Variants in RAB3GAP1 observed in about 807,000 individuals in gnomAD.
RAB3GAP1 encodes the protein RAB3 GTPase activating protein catalytic subunit 1.
In RAB3GAP1, 86 loss-of-function variants were observed where a neutral mutation model predicts 130.7. The observed-to-expected ratio is 0.66, with a 90% CI of 0.55 to 0.79. RAB3GAP1 has a LOEUF of 0.79. Ranked by LOEUF, RAB3GAP1 falls within the 30% of genes least tolerant of loss-of-function variation. RAB3GAP1 has a pLI of 0.00. For synonymous variants in RAB3GAP1, 367 were observed against 401.7 expected, an observed-to-expected ratio of 0.91 and a Z score of 1.03; for missense variants, 1,029 against 1,169.4, an observed-to-expected ratio of 0.88 and a Z score of 1.75.
chr2:135,137,157 T>C, intron 17 of RAB3GAP1: 1 of 376,568 alleles, frequency 2.7e-6, no homozygotes, highest in South Asian at 2.1e-5. Context: ...ATGAAGGAAA[T>C]CCTCAGCAGT....
chr2:135,133,091 C>A, intron 14 of RAB3GAP1, 107 bp downstream of exon 14: 1 of 760,126 alleles, frequency 1.3e-6, no homozygotes, highest in Non-Finnish European at 2.2e-6. Flanking sequence ...TTTTAAAAAT[C>A]ACCTTGGGAA....
In RAB3GAP1 at chr2:135,102,902, C is replaced by T. The variant is rs566307657; in HGVS notation, c.362+9209C>T. 2.2e-4 allele frequency among the ~76,000 whole-genome samples: 33 copies of T among 149,058 alleles called. No homozygotes were observed. In the South Asian group the frequency reaches 5.9e-3, roughly 27 times the overall value. Reference sequence around the variant, plus strand: ...TGGTGGCGCACACCTGTAGTCCCAGCTACTTGGGAGGTTGAGGCAGGAGAA... The same window carrying T: ...TGGTGGCGCACACCTGTAGTCCCAGTTACTTGGGAGGTTGAGGCAGGAGAA... On this transcript the variant is annotated intron_variant, in intron 5 of 23. Transcript: ENST00000264158.
rs192202378 is a variant in RAB3GAP1, at chr2:135,082,722, C to T, written c.151-8276C>T. On this transcript the variant is annotated intron_variant, in intron 3 of 23. Coordinates refer to ENST00000264158, the MANE Select transcript of RAB3GAP1 (RefSeq NM_012233.3). The stretch of plus-strand genomic sequence containing the variant: ...TCCCAAAGTGCTGGAATTACAGGCG[C>T]GAGCCACCGTGACCGGCCAATATGT... Among the ~76,000 whole-genome samples the T allele has an allele frequency of 1.4e-3, 216 of 151,980 alleles. 1 individual carries two copies. Among genetic ancestry groups the T allele is most frequent in the South Asian group, 0.012 (56 of 4,800 alleles).
intron 2 of RAB3GAP1, among the ~76,000 whole-genome samples, chr2:135,055,373 A>G (rs933391145): frequency 6.6e-6 from 1 of 152,240 alleles, no homozygotes; most frequent in Non-Finnish European, 1.5e-5. Context: ...TTATTCATAC[A>G]ATAAGTATTT....
At chr2:135,154,308 C>A (rs1029679552) in intron 19 of RAB3GAP1, among the ~76,000 whole-genome samples, 1 of 152,100 alleles carries the variant, frequency 6.6e-6, no homozygotes, top group South Asian at 2.1e-4. Context: ...TATGGTATAT[C>A]CATTAGTGGC....
intron 17 of RAB3GAP1, among the ~76,000 whole-genome samples, chr2:135,148,249 T>G (rs1692058662): frequency 6.6e-6 from 1 of 152,166 alleles, no homozygotes; most frequent in Non-Finnish European, 1.5e-5. Flanking sequence ...CCAATGTAAT[T>G]TCAAGCTTTA....
intron 3 of RAB3GAP1, among the ~76,000 whole-genome samples, chr2:135,073,300 AC>A (rs893748074): frequency 6.6e-6 from 1 of 152,200 alleles, no homozygotes; most frequent in Non-Finnish European, 1.5e-5. Context: ...GGAGATTAGT[AC>A]AGAGTAGGCA....
chr2:135,090,522 AAT>A (rs1371900030), intron 3 of RAB3GAP1, among the ~76,000 whole-genome samples: 6 of 152,198 alleles, frequency 3.9e-5, no homozygotes, highest in East Asian at 1.9e-4. Flanking sequence ...ACTCTTAATT[AAT>A]ATATGTTTTT....
chr2:135,140,207 C>G (rs1419930370), intron 17 of RAB3GAP1, among the ~76,000 whole-genome samples: 1 of 152,122 alleles, frequency 6.6e-6, no homozygotes, highest in African/African-American at 2.4e-5. Flanking sequence ...TGTGAACATT[C>G]TTGTTTCTTT....
chr2:135,133,207 C>T (rs1334176330), intron 14 of RAB3GAP1, among the ~76,000 whole-genome samples: 1 of 152,118 alleles, frequency 6.6e-6, no homozygotes, highest in African/African-American at 2.4e-5. Flanking sequence ...CAAATATACT[C>T]TACACAGCTG....
downstream of RAB3GAP1, among the ~76,000 whole-genome samples, chr2:135,174,857 T>TCTGTGG (rs1232726085): frequency 3.9e-5 from 6 of 152,196 alleles, no homozygotes; most frequent in East Asian, 1.9e-4. Context: ...CCCAGCCTCC[T>TCTGTGG]CTGTGGCTGT....
downstream of RAB3GAP1, among the ~76,000 whole-genome samples, chr2:135,174,184 C>T (rs1241183765): frequency 6.6e-6 from 1 of 152,206 alleles, no homozygotes; most frequent in Non-Finnish European, 1.5e-5. Context: ...TTGCAGGGAG[C>T]GTTCTTGGCC....
intron 3 of RAB3GAP1, among the ~76,000 whole-genome samples, chr2:135,084,782 A>T (rs945897568): frequency 6.6e-6 from 1 of 152,218 alleles, no homozygotes; most frequent in South Asian, 2.1e-4. Flanking sequence ...AAAGATGAAT[A>T]GAACAATAGT....
chr2:135,153,893 T>A lies in RAB3GAP1; in HGVS notation c.2289+17T>A. ...GCAGAAAAGGTAATTGAGGTTTGAG[T>A]CTCTAATACTAGAATGCAAATTACT... On this transcript the variant is annotated intron_variant, in intron 19 of 23. Transcript: ENST00000264158. 6.2e-7 allele frequency: 1 copy of A among 1,600,856 alleles called. No homozygotes were observed. The highest frequency in any genetic ancestry group is 8.6e-7 in the Non-Finnish European group (1 of 1,168,500).
At chr2:135,164,995 C>A in intron 23 of RAB3GAP1, 1 of 391,172 alleles carries the variant, frequency 2.6e-6, no homozygotes, top group Non-Finnish European at 5.0e-6. Flanking sequence ...CAGTGCTGTG[C>A]TGTGGGAAAA....
At chr2:135,132,557 A>G (rs1055838191) in intron 13 of RAB3GAP1, among the ~76,000 whole-genome samples, 1 of 152,284 alleles carries the variant, frequency 6.6e-6, no homozygotes, top group South Asian at 2.1e-4. Context: ...TTTTTTAGAT[A>G]GTAGTAACAC....
At chr2:135,142,640 C>G (rs1309119088) in intron 17 of RAB3GAP1, among the ~76,000 whole-genome samples, 2 of 151,988 alleles carry the variant, frequency 1.3e-5, no homozygotes, top group African/African-American at 2.4e-5. Context: ...ATGTAGATAT[C>G]ACTTATCATA....
At chr2:135,149,013 G>A (rs1692089063) in intron 17 of RAB3GAP1, among the ~76,000 whole-genome samples, 1 of 152,132 alleles carries the variant, frequency 6.6e-6, no homozygotes, top group Non-Finnish European at 1.5e-5. Context: ...GGCATATTCA[G>A]AAACAGTATA....
intron 8 of RAB3GAP1, 65 bp downstream of exon 8, chr2:135,120,983 A>G: frequency 8.6e-7 from 1 of 1,162,274 alleles, no homozygotes. Context: ...ACATTCAGAA[A>G]TTAAAATTAC....
Sources: gnomAD v4.1 joint callset for allele counts (sites outside exome capture counted in the v4.1 genomes callset) on GRCh38, gnomAD v4.1.1 for gene constraint, MANE v1.5 for transcripts, NCBI Gene and HGNC (gene_info 2026-07-23, HGNC 2026-07-21) for gene names.